BABAM2: variants seen among roughly 807,000 people sequenced by gnomAD.
BABAM2 encodes BRISC and BRCA1-A complex member 2.
A neutral mutation model predicts 54.7 loss-of-function variants in BABAM2; 31 were observed. The observed-to-expected ratio is 0.57, with a 90% confidence interval of 0.43 to 0.77. BABAM2 has a LOEUF of 0.77. Ranked by LOEUF, BABAM2 falls within the 30% of genes least tolerant of loss-of-function variation. The pLI is 0.00. For synonymous variants in BABAM2, 167 were observed against 162.9 expected (o/e 1.03, Z -0.19); for missense variants, 364 against 455.8 (o/e 0.80, Z 1.83).
intron 10 of BABAM2, among the ~76,000 whole-genome samples, chr2:28,255,535 A>G (rs537221484): frequency 6.6e-6 from 1 of 152,326 alleles, no homozygotes; most frequent in South Asian, 2.1e-4. Flanking sequence ...TTGGCCTGCC[A>G]AAGTGCTGGG....
At chr2:27,961,413 T>C (rs910901057) in intron 3 of BABAM2, among the ~76,000 whole-genome samples, 1 of 152,238 alleles carries the variant, frequency 6.6e-6, no homozygotes, top group African/African-American at 2.4e-5. Context: ...TTACATGAGA[T>C]AGTCAACACT....
At position 28,057,766 on chromosome 2, in the gene BABAM2, A is replaced by G. The variant is rs142250773; in HGVS notation, c.570+11967A>G. On this transcript the variant is annotated intron_variant, in intron 6 of 11. Transcript: ENST00000379624. Reference sequence around the variant, plus strand: ...GTACAAAATTTAGTAGGTTGGTGAGAGAGGATTACACCTGGCTGGGAAAAA... The same window carrying G: ...GTACAAAATTTAGTAGGTTGGTGAGGGAGGATTACACCTGGCTGGGAAAAA... Among the ~76,000 whole-genome samples the G allele has an allele frequency of 3.1e-3, 473 of 152,304 alleles. 12 individuals carry two copies. The South Asian group carries it at 0.051, about 16-fold the overall frequency.
intron 3 of BABAM2, among the ~76,000 whole-genome samples, chr2:27,987,110 G>A (rs962019489): frequency 2.0e-5 from 3 of 151,950 alleles, no homozygotes; most frequent in Non-Finnish European, 4.4e-5. Flanking sequence ...TCTTTTTATC[G>A]TCACAATAAA....
At chr2:27,971,453 A>G (rs1671217421) in intron 3 of BABAM2, among the ~76,000 whole-genome samples, 1 of 152,000 alleles carries the variant, frequency 6.6e-6, no homozygotes, top group Admixed American at 6.6e-5. Flanking sequence ...ATTGCTTCAC[A>G]TCTCAGGGTT....
chr2:28,204,540 A>G (rs910941067), intron 7 of BABAM2, among the ~76,000 whole-genome samples: 2 of 151,594 alleles, frequency 1.3e-5, no homozygotes, highest in African/African-American at 2.4e-5. Flanking sequence ...TTTTTTCAAC[A>G]TACTTAGGAC....
intron 3 of BABAM2, among the ~76,000 whole-genome samples, chr2:27,949,650 G>A (rs1669560653): frequency 6.6e-6 from 1 of 152,162 alleles, no homozygotes; most frequent in African/African-American, 2.4e-5. Context: ...AACTGGGGAT[G>A]GAAGAAGAAG....
At chr2:28,148,029 C>T (rs538280562) in intron 7 of BABAM2, among the ~76,000 whole-genome samples, 4 of 152,300 alleles carry the variant, frequency 2.6e-5, no homozygotes, top group African/African-American at 9.6e-5. Context: ...AAATTGTAGA[C>T]TGAACACCTT....
chr2:28,085,021 G>A (rs949070338), intron 6 of BABAM2, among the ~76,000 whole-genome samples: 5 of 152,044 alleles, frequency 3.3e-5, no homozygotes, highest in Admixed American at 2.0e-4. Context: ...AGAATGAAGG[G>A]TAACAGTACT....
At chr2:28,124,801 G>A (rs1669365244) in intron 6 of BABAM2, among the ~76,000 whole-genome samples, 1 of 151,990 alleles carries the variant, frequency 6.6e-6, no homozygotes, top group African/African-American at 2.4e-5. Flanking sequence ...TATTCCAGAG[G>A]TATTGCAAAT....
intron 7 of BABAM2, among the ~76,000 whole-genome samples, chr2:28,232,838 C>G (rs1681542485): frequency 6.6e-6 from 1 of 152,094 alleles, no homozygotes; most frequent in African/African-American, 2.4e-5. Flanking sequence ...ACAAAGGGCT[C>G]TATTAGTTTC....
intron 4 of BABAM2, among the ~76,000 whole-genome samples, chr2:28,017,391 T>A (rs1281143580): frequency 2.6e-5 from 4 of 152,232 alleles, no homozygotes; most frequent in African/African-American, 9.6e-5. Context: ...ATTTATTTTA[T>A]TTTTTTCTGC....
chr2:28,248,210 T>TTTCTTTTTTTTTTC (rs544532106), intron 10 of BABAM2, among the ~76,000 whole-genome samples: 2 of 101,228 alleles, frequency 2.0e-5, no homozygotes. Flanking sequence ...TCTTTTTCTT[T>TTTCTTTTTTTTTTC]TTTTTTTTTT....
chr2:28,290,716 T>A (rs563057032), intron 10 of BABAM2, among the ~76,000 whole-genome samples: 116 of 152,232 alleles, frequency 7.6e-4, no homozygotes, highest in African/African-American at 2.8e-3. Context: ...AGAAATGAGG[T>A]TTAGGGAATG....
intron 3 of BABAM2, among the ~76,000 whole-genome samples, chr2:27,948,463 A>G (rs1669460414): frequency 1.3e-5 from 2 of 152,238 alleles, no homozygotes; most frequent in Admixed American, 6.5e-5. Flanking sequence ...AGAATCTCCA[A>G]TATTTTGTTG....
intron 6 of BABAM2, among the ~76,000 whole-genome samples, chr2:28,058,828 A>G (rs1039670991): frequency 5.3e-5 from 8 of 152,168 alleles, no homozygotes; most frequent in African/African-American, 1.7e-4. Context: ...TATGTGTTTT[A>G]AAAGATTTCT....
At chr2:28,027,052 T>A (rs1195890446) in intron 5 of BABAM2, among the ~76,000 whole-genome samples, 1 of 142,628 alleles carries the variant, frequency 7.0e-6, no homozygotes, top group Non-Finnish European at 1.5e-5. Context: ...TCTGTATGAT[T>A]CCCATCACCA....
chr2:27,890,077 T>TA, upstream of BABAM2: 1 of 585,792 alleles, frequency 1.7e-6, no homozygotes, highest in Non-Finnish European at 3.0e-6. This position sits in a 1 kb window ranked among gnomAD's most constrained non-coding sequence, Gnocchi z 4.8. Context: ...TTTACCTTTA[T>TA]ATACTCAAGT....
intron 7 of BABAM2, among the ~76,000 whole-genome samples, chr2:28,188,363 G>A (rs964374976): frequency 5.9e-5 from 9 of 152,166 alleles, no homozygotes; most frequent in Non-Finnish European, 1.2e-4. Context: ...GCGGAGGGAA[G>A]GTTTGGGAGG....
At chr2:28,000,935 G>C (rs1673535606) in intron 4 of BABAM2, among the ~76,000 whole-genome samples, 1 of 152,012 alleles carries the variant, frequency 6.6e-6, no homozygotes, top group South Asian at 2.1e-4. Context: ...ACTATGAGAT[G>C]ATCTTGGCTC....
Sources: gnomAD v4.1 joint callset for allele counts (sites outside exome capture counted in the v4.1 genomes callset) on GRCh38, gnomAD v4.1.1 for gene constraint, Gnocchi (gnomAD v3.1) non-coding constraint, MANE v1.5 for transcripts, NCBI Gene and HGNC (gene_info 2026-07-23, HGNC 2026-07-21) for gene names.